ZDHHC20: variants seen among roughly 807,000 people sequenced by gnomAD.
ZDHHC20 encodes palmitoyltransferase ZDHHC20.
Under a neutral mutation model 57.8 loss-of-function variants are expected in ZDHHC20, and 43 were observed. The observed-to-expected ratio is 0.74, with a 90% CI of 0.58 to 0.96. ZDHHC20 has a LOEUF of 0.96. Ranked by LOEUF, ZDHHC20 falls within the 40% of genes least tolerant of loss-of-function variation. The probability of loss-of-function intolerance (pLI) is 0.00; values close to 1 mark genes in which losing one functional copy is unlikely to be tolerated. For missense variants in ZDHHC20, 391 were observed against 441.1 expected, an observed-to-expected ratio of 0.89 and a Z score of 1.02; for synonymous variants, 157 against 153.0, an observed-to-expected ratio of 1.03 and a Z score of -0.19.
intron 1 of ZDHHC20, among the ~76,000 whole-genome samples, chr13:21,429,767 G>C (rs1187685188): frequency 6.6e-6 from 1 of 152,142 alleles, no homozygotes; most frequent in East Asian, 1.9e-4. Context: ...AGTCCCTGAT[G>C]ATTTGTTCAT....
chr13:21,400,552 T>C (rs2137790933), intron 6 of ZDHHC20, 59 bp from the exon 7 acceptor site: 1 of 1,503,718 alleles, frequency 6.7e-7, no homozygotes, highest in Non-Finnish European at 8.9e-7. Context: ...TTCACAGAAA[T>C]AGAAAGTAGG....
intron 4 of ZDHHC20, among the ~76,000 whole-genome samples, chr13:21,406,374 T>C (rs1878442132): frequency 6.6e-6 from 1 of 152,210 alleles, no homozygotes; most frequent in African/African-American, 2.4e-5. Flanking sequence ...AGGTTTCTGT[T>C]ATTTGTGCTT....
chr13:21,432,083 G>C (rs1882025060), intron 1 of ZDHHC20, among the ~76,000 whole-genome samples: 1 of 151,966 alleles, frequency 6.6e-6, no homozygotes, highest in African/African-American at 2.4e-5. Context: ...ATTTAGGTCT[G>C]TAATATATTT....
At chr13:21,431,805 A>G (rs1169377288) in intron 1 of ZDHHC20, among the ~76,000 whole-genome samples, 1 of 152,190 alleles carries the variant, frequency 6.6e-6, no homozygotes, top group Non-Finnish European at 1.5e-5. Flanking sequence ...CCCCTCTTTT[A>G]ACTGTATTGC....
intron 1 of ZDHHC20, among the ~76,000 whole-genome samples, chr13:21,428,311 T>C (rs988314679): frequency 2.0e-5 from 3 of 151,862 alleles, no homozygotes; most frequent in African/African-American, 7.2e-5. Context: ...ACCTCCACCC[T>C]CCAGGTTCAA....
At chr13:21,455,543 G>A (rs1388092211) in intron 1 of ZDHHC20, among the ~76,000 whole-genome samples, 1 of 151,778 alleles carries the variant, frequency 6.6e-6, no homozygotes, top group Admixed American at 6.6e-5. Context: ...CTTAATCTTC[G>A]CTTCTCAGCT....
chr13:21,455,483 A>G (rs557074013), intron 1 of ZDHHC20, among the ~76,000 whole-genome samples: 9 of 152,338 alleles, frequency 5.9e-5, no homozygotes, highest in African/African-American at 2.2e-4. Context: ...AAAAAAAATC[A>G]TACGAGAATT....
intron 1 of ZDHHC20, among the ~76,000 whole-genome samples, chr13:21,454,341 A>C (rs1257648797): frequency 6.6e-6 from 1 of 152,108 alleles, no homozygotes; most frequent in Non-Finnish European, 1.5e-5. Flanking sequence ...AAAAACAAAA[A>C]CAAAAACAAA....
rs1271528602 is a variant in ZDHHC20, at chr13:21,373,218, G to T, written c.*3478C>A. On this transcript the variant is annotated 3_prime_UTR_variant, in exon 13 of 13. Transcript: ENST00000400590. ...AACAAAAGGTAAGCAAAACTTATTT[G>T]TAAGTTACTGCCTATTCAATGCCCA... 2.0e-5 allele frequency: 3 copies of T among 152,142 alleles called. No homozygotes were observed. Among genetic ancestry groups the T allele is most frequent in the African/African-American group, 7.2e-5 (3 of 41,428 alleles). 9.4% of individuals were successfully genotyped at this position (152,142 alleles called of 1,614,324 possible).
intron 1 of ZDHHC20, among the ~76,000 whole-genome samples, chr13:21,432,412 C>G (rs1882072013): frequency 6.6e-6 from 1 of 151,916 alleles, no homozygotes; most frequent in African/African-American, 2.4e-5. Context: ...TCACTACAAG[C>G]TCTGCCTCCT....
chr13:21,416,775 C>T (rs1033185886), intron 3 of ZDHHC20, among the ~76,000 whole-genome samples: 2 of 152,074 alleles, frequency 1.3e-5, no homozygotes, highest in Admixed American at 6.6e-5. Context: ...ACAGAAAGCA[C>T]AAGGATGTGA....
At chr13:21,432,160 T>A (rs1400889516) in intron 1 of ZDHHC20, among the ~76,000 whole-genome samples, 3 of 152,034 alleles carry the variant, frequency 2.0e-5, no homozygotes, top group South Asian at 2.1e-4. Flanking sequence ...CTCATTTTAT[T>A]TCATATTTTA....
intron 1 of ZDHHC20, among the ~76,000 whole-genome samples, chr13:21,436,539 C>T (rs958249820): frequency 7.9e-5 from 12 of 152,114 alleles, no homozygotes; most frequent in Non-Finnish European, 1.2e-4. Context: ...TGATCTGTGA[C>T]GTTACTATTG....
rs1871906010 is a variant in ZDHHC20, at chr13:21,375,349, G to GA, written c.*1346_*1347insT. ...GAAGCAATCAATTATTTTGGGGGGG[G>GA]TGTGTGTGTGTGTGTGTCTGTCTGT... On this transcript the variant is annotated 3_prime_UTR_variant, in exon 13 of 13. Transcript: ENST00000400590. The GA allele has an allele frequency of 3.7e-6, 1 of 271,262 alleles. No individual in the cohort carries two copies. The highest frequency in any genetic ancestry group is 7.3e-6 in the Non-Finnish European group (1 of 137,084). The allele number at this position is 271,262 out of a possible 1,614,324, so 16.8% of individuals were successfully genotyped here. A position where few individuals can be genotyped will look rare whatever the true frequency, so the allele number is the denominator to read the frequency against.
At chr13:21,438,813 C>T (rs61950014) in intron 1 of ZDHHC20, among the ~76,000 whole-genome samples, 1,758 of 152,206 alleles carry the variant, frequency 0.012, 14 homozygotes, top group Middle Eastern at 0.034. Context: ...TCGTTCTTGT[C>T]GTTTTGAGAA....
chr13:21,395,901 G>A (rs555234655), intron 7 of ZDHHC20, among the ~76,000 whole-genome samples: 140 of 152,208 alleles, frequency 9.2e-4, no homozygotes, highest in African/African-American at 3.2e-3. Flanking sequence ...TTAAGAGACA[G>A]CAAACCACTC....
intron 1 of ZDHHC20, among the ~76,000 whole-genome samples, chr13:21,427,686 T>C (rs1881419789): frequency 6.6e-6 from 1 of 151,784 alleles, no homozygotes; most frequent in African/African-American, 2.4e-5. Context: ...AATGCAAAAA[T>C]TAGCCAGGCA....
intron 4 of ZDHHC20, among the ~76,000 whole-genome samples, chr13:21,412,513 A>G (rs1879347546): frequency 6.6e-6 from 1 of 152,152 alleles, no homozygotes; most frequent in Non-Finnish European, 1.5e-5. Flanking sequence ...GAAGTATAAA[A>G]CTACTGAAAA....
Position 21,387,571 on chromosome 13 carries a change from CT to C in ZDHHC20, c.790del (p.Ser264ValfsTer96), listed in dbSNP as rs1194153683. 1.3e-6 allele frequency: 2 copies of C among 1,526,910 alleles called. No homozygotes were observed. The highest frequency in any genetic ancestry group is 1.8e-6 in the Non-Finnish European group (2 of 1,134,232). 94.6% of individuals were successfully genotyped at this position (1,526,910 alleles called of 1,614,324 possible). A position where few individuals can be genotyped will look rare whatever the true frequency, so the allele number is the denominator to read the frequency against. On this transcript the variant is annotated frameshift_variant, in exon 9 of 13. Coordinates refer to ENST00000400590, the MANE Select transcript of ZDHHC20 (RefSeq NM_001330059.2). LOFTEE classifies it high-confidence loss of function. ...ACCAAAGACTTGTCTCCAATTTTTA[CT>C]GCATCCAAGAGAGAAACCATTTCCA... ...PDGNGFSLGC[S>X]KNWRQVFGDE...
Sources: allele counts gnomAD v4.1 joint callset (sites outside exome capture counted in the v4.1 genomes callset), GRCh38; gene constraint gnomAD v4.1.1; transcripts MANE v1.5; gene names NCBI Gene and HGNC (gene_info 2026-07-23, HGNC 2026-07-21).